The following BZW2 variants were observed in gnomAD, a reference collection of about 807,000 sequenced individuals.
BZW2 encodes the protein basic leucine zipper and W2 domains 2.
A neutral mutation model predicts 53.2 loss-of-function variants in BZW2; 23 were observed. The ratio of observed to expected loss-of-function variants is 0.43; its 90% CI spans 0.31 to 0.61. BZW2 has a LOEUF of 0.61. BZW2 is among the 20% of genes least tolerant of loss of function. The pLI, the probability that BZW2 is intolerant of heterozygous loss-of-function variation, is 0.09. For synonymous variants in BZW2, 227 were observed against 186.4 expected, an observed-to-expected ratio of 1.22 and a Z score of -1.77; for missense variants, 409 against 503.1, an observed-to-expected ratio of 0.81 and a Z score of 1.79.
chr7:16,665,401 T>C, intron 1 of BZW2, 36 bp from the exon 2 acceptor site: 2 of 1,613,534 alleles, frequency 1.2e-6, no homozygotes, highest in Non-Finnish European at 1.7e-6. Flanking sequence ...AAACTGCTTA[T>C]CTGAAATACA....
intron 10 of BZW2, among the ~76,000 whole-genome samples, chr7:16,701,852 T>G (rs1323828296): frequency 6.6e-6 from 1 of 152,080 alleles, no homozygotes; most frequent in Non-Finnish European, 1.5e-5. Flanking sequence ...AGAATTACAC[T>G]CACCATGTCA....
intron 3 of BZW2, among the ~76,000 whole-genome samples, chr7:16,680,202 G>A (rs1346404232): frequency 2.0e-5 from 3 of 152,140 alleles, no homozygotes; most frequent in African/African-American, 7.2e-5. Context: ...GGTCAGTTCT[G>A]TAGTTGGTGA....
At chr7:16,652,334 A>G (rs1782004229) in intron 1 of BZW2, among the ~76,000 whole-genome samples, 1 of 152,194 alleles carries the variant, frequency 6.6e-6, no homozygotes, top group African/African-American at 2.4e-5. Flanking sequence ...CTTTAAACAT[A>G]CTGGAGACAA....
intron 3 of BZW2, among the ~76,000 whole-genome samples, chr7:16,676,346 C>T (rs1385655712): frequency 1.3e-5 from 2 of 152,016 alleles, no homozygotes; most frequent in African/African-American, 2.4e-5. Context: ...ATCGGGAGTT[C>T]GAGACCAGCC....
intron 1 of BZW2, among the ~76,000 whole-genome samples, chr7:16,656,555 G>GCACA (rs376412401): frequency 0.037 from 5,248 of 141,238 alleles, 121 homozygotes; most frequent in African/African-American, 0.069. Flanking sequence ...GCGCGCGCGC[G>GCACA]CACACACACA....
At position 16,706,051 on chromosome 7, in the gene BZW2, C is replaced by T. The variant is rs1181944835; in HGVS notation, c.1232-9C>T. On this transcript the variant is annotated splice_polypyrimidine_tract_variant and intron_variant, in intron 11 of 11. Coordinates refer to ENST00000258761, the MANE Select transcript of BZW2 (RefSeq NM_014038.3). ...GGAGGAAATATCTCACTTCTTTCTT[C>T]TCTCCTAGAATCCGAATCGGAAGGT... The T allele has an allele frequency of 6.2e-7, 1 of 1,613,624 alleles. No homozygotes were observed. The highest frequency in any genetic ancestry group is 8.5e-7 in the Non-Finnish European group (1 of 1,179,766).
At chr7:16,696,355 A>C (rs949806205) in intron 8 of BZW2, among the ~76,000 whole-genome samples, 1 of 152,242 alleles carries the variant, frequency 6.6e-6, no homozygotes, top group South Asian at 2.1e-4. Flanking sequence ...TAAGTTGCTG[A>C]ATACTGCTGA....
Position 16,697,079 on chromosome 7 carries a change from G to C in BZW2, c.969+18G>C. On this transcript the variant is annotated intron_variant, in intron 9 of 11. Coordinates refer to ENST00000258761, the MANE Select transcript of BZW2 (RefSeq NM_014038.3). The stretch of plus-strand genomic sequence containing the variant: ...ACCTGAAGGTAACAGCCCTTAGCAA[G>C]GAACTGACCCAGCCAAGGGCAAACT... The C allele has an allele frequency of 6.2e-7, 1 of 1,608,762 alleles. No homozygotes were observed. Among genetic ancestry groups the C allele is most frequent in the Non-Finnish European group, 8.5e-7 (1 of 1,178,172 alleles).
intron 1 of BZW2, among the ~76,000 whole-genome samples, chr7:16,661,912 AT>A (rs1332099467): frequency 6.6e-6 from 1 of 152,044 alleles, no homozygotes; most frequent in Admixed American, 6.6e-5. Context: ...TTAAACTTTT[AT>A]TTTTTTAAAC....
chr7:16,691,412 C>T (rs1481307317), intron 7 of BZW2, among the ~76,000 whole-genome samples: 1 of 152,232 alleles, frequency 6.6e-6, no homozygotes, highest in African/African-American at 2.4e-5. Context: ...GTCCATGAGG[C>T]TGTGGGTTGT....
intron 1 of BZW2, among the ~76,000 whole-genome samples, chr7:16,648,408 A>G (rs191361173): frequency 6.6e-6 from 1 of 152,344 alleles, no homozygotes; most frequent in East Asian, 1.9e-4. Flanking sequence ...CCACAATCCC[A>G]TATTAGGAAG....
intron 7 of BZW2, among the ~76,000 whole-genome samples, chr7:16,690,291 TC>T: frequency 6.6e-6 from 1 of 152,012 alleles, no homozygotes; most frequent in East Asian, 1.9e-4. Context: ...AACCTCTGCC[TC>T]CGGAGTTCAA....
intron 9 of BZW2, 153 bp from the exon 10 acceptor site, chr7:16,697,895 T>G: frequency 1.2e-6 from 1 of 865,080 alleles, no homozygotes; most frequent in Non-Finnish European, 1.8e-6. Context: ...TCTGTTCCCC[T>G]CACCCCATTG....
rs752598974 is a variant in BZW2 at position 16,706,041 on chromosome 7, C to G, written c.1232-19C>G. The G allele has an allele frequency of 6.2e-7, 1 of 1,613,646 alleles. No homozygotes were observed. On this transcript the variant is annotated intron_variant, in intron 11 of 11. Transcript: ENST00000258761. ...GAGGAATCTGGGAGGAAATATCTCA[C>G]TTCTTTCTTCTCTCCTAGAATCCGA...
At chr7:16,658,602 C>T (rs1214026232) in intron 1 of BZW2, among the ~76,000 whole-genome samples, 1 of 151,958 alleles carries the variant, frequency 6.6e-6, no homozygotes, top group East Asian at 1.9e-4. Context: ...GTCGGCCAGG[C>T]GCAGTGGCTT....
intron 2 of BZW2, among the ~76,000 whole-genome samples, chr7:16,673,202 T>A (rs144221678): frequency 3.3e-5 from 5 of 152,116 alleles, no homozygotes; most frequent in Non-Finnish European, 5.9e-5. Flanking sequence ...CGCCTCGGCC[T>A]CCCAAAGTGC....
At chr7:16,667,299 A>C (rs1213155898) in intron 2 of BZW2, among the ~76,000 whole-genome samples, 2 of 152,044 alleles carry the variant, frequency 1.3e-5, no homozygotes, top group Non-Finnish European at 2.9e-5. Context: ...AAAACAAAAA[A>C]AAAAACGCTG....
At chr7:16,681,507 T>G in intron 4 of BZW2, 103 bp downstream of exon 4, 1 of 949,902 alleles carries the variant, frequency 1.1e-6, no homozygotes, top group Middle Eastern at 2.2e-4. Flanking sequence ...TTAGAAAGCC[T>G]TTAAACTTAT....
chr7:16,696,468 G>A (rs1783492673), intron 8 of BZW2, among the ~76,000 whole-genome samples: 1 of 152,194 alleles, frequency 6.6e-6, no homozygotes, highest in Admixed American at 6.5e-5. Context: ...AGTAATCATT[G>A]AAGAATAAAT....
Sources: allele counts gnomAD v4.1 joint callset (sites outside exome capture counted in the v4.1 genomes callset), GRCh38; gene constraint gnomAD v4.1.1; transcripts MANE v1.5; gene names NCBI Gene and HGNC (gene_info 2026-07-23, HGNC 2026-07-21).